The following FRY variants were observed in gnomAD, a reference collection of about 807,000 sequenced individuals.
FRY encodes the protein protein furry homolog.
A neutral mutation model predicts 348.4 loss-of-function variants in FRY; 128 were observed. That is an observed-to-expected ratio of 0.37 (90% CI 0.32 to 0.43). The LOEUF (loss-of-function observed/expected upper bound fraction) is 0.43. FRY is among the 20% of genes least tolerant of loss of function. FRY has a pLI of 1.00. For synonymous variants in FRY, 1,370 were observed against 1,374.7 expected, an observed-to-expected ratio of 1.00 and a Z score of 0.08; for missense variants, 2,736 against 3,695.2, an observed-to-expected ratio of 0.74 and a Z score of 6.73.
chr13:32,122,645 G>A (rs1878743947), intron 4 of FRY, among the ~76,000 whole-genome samples: 2 of 152,112 alleles, frequency 1.3e-5, no homozygotes, highest in African/African-American at 4.8e-5. Context: ...GATACCTACT[G>A]TCAGCACTCT....
At chr13:32,283,159 A>G (rs1262260155) in intron 58 of FRY, among the ~76,000 whole-genome samples, 1 of 151,734 alleles carries the variant, frequency 6.6e-6, no homozygotes, top group African/African-American at 2.4e-5. Flanking sequence ...AAAACAAAAC[A>G]ACAACAACGA....
chr13:32,121,197 G>A (rs532917282), intron 4 of FRY, among the ~76,000 whole-genome samples: 11 of 152,272 alleles, frequency 7.2e-5, no homozygotes, highest in East Asian at 1.9e-4. Context: ...GTTGGTTTAC[G>A]ATTTTGCTAT....
rs1882496719 is a variant in FRY at position 32,178,400 on chromosome 13, C to G, written c.2645C>G (p.Thr882Ser). 2 of 1,614,058 alleles carry G rather than the reference C, an allele frequency of 1.2e-6. No homozygotes were observed. Among genetic ancestry groups the G allele is most frequent in the Middle Eastern group, 1.6e-4 (1 of 6,084 alleles). ...ALSYAWPYAF[T>S]RLQSVMPLVD... ...AGCTATGCCTGGCCTTATGCCTTCA[C>G]TCGGCTCCAGTCGGTGATGCCTCTG... The change falls in exon 21 of 61, where the codon ACT (threonine) becomes AGT (serine). Residue 882 changes from threonine to serine, a missense_variant. Thr to Ser is a moderately conservative substitution (Grantham distance 58). Transcript: ENST00000542859.
At chr13:32,046,456 G>A (rs901718713) in intron 1 of FRY, among the ~76,000 whole-genome samples, 2 of 152,224 alleles carry the variant, frequency 1.3e-5, no homozygotes, top group Admixed American at 6.5e-5. Flanking sequence ...TTGAGACCAA[G>A]CCTCCATCTC....
chr13:32,110,220 G>A (rs1054924752), intron 3 of FRY, among the ~76,000 whole-genome samples: 6 of 152,188 alleles, frequency 3.9e-5, no homozygotes, highest in Non-Finnish European at 7.3e-5. Context: ...ACAAAGCAGC[G>A]TGCTAGAACA....
chr13:32,153,553 A>G (rs926303973), intron 14 of FRY, among the ~76,000 whole-genome samples: 1 of 152,212 alleles, frequency 6.6e-6, no homozygotes, highest in African/African-American at 2.4e-5. Flanking sequence ...GCAAAAACGC[A>G]CAGGGGACTT....
chr13:32,215,736 A>AT (rs34734314), intron 35 of FRY, among the ~76,000 whole-genome samples: 32 of 152,002 alleles, frequency 2.1e-4, no homozygotes, highest in African/African-American at 7.2e-4. Context: ...CACCTAGCTC[A>AT]TTTTTTTATT....
At chr13:32,235,161 C>A (rs1420386765) in intron 42 of FRY, among the ~76,000 whole-genome samples, 1 of 152,182 alleles carries the variant, frequency 6.6e-6, no homozygotes. Flanking sequence ...AAAGCACTAC[C>A]TCTCTCTCTA....
chr13:32,111,025 A>G (rs1042589891), intron 3 of FRY, among the ~76,000 whole-genome samples: 1 of 152,218 alleles, frequency 6.6e-6, no homozygotes, highest in Non-Finnish European at 1.5e-5. Flanking sequence ...GATTCTGGGG[A>G]AGAAATCCTT....
At chr13:32,145,535 T>TG (rs754105060) in intron 11 of FRY, among the ~76,000 whole-genome samples, 3,356 of 136,182 alleles carry the variant, frequency 0.025, 107 homozygotes, top group Non-Finnish European at 0.037. Context: ...TGTTTTTTTT[T>TG]TTTTTTTTTT....
chr13:32,202,599 T>C, intron 31 of FRY, 72 bp downstream of exon 31: 1 of 1,237,788 alleles, frequency 8.1e-7, no homozygotes, highest in Non-Finnish European at 1.2e-6. Flanking sequence ...TTTCTAATAA[T>C]GACATGTGAT....
chr13:32,068,736 G>A (rs1200902486), intron 1 of FRY, among the ~76,000 whole-genome samples: 1 of 152,174 alleles, frequency 6.6e-6, no homozygotes, highest in East Asian at 1.9e-4. Flanking sequence ...AGAGAACATA[G>A]ACTGAAGTAA....
intron 2 of FRY, among the ~76,000 whole-genome samples, chr13:32,090,205 A>G (rs1158708786): frequency 5.9e-5 from 9 of 151,872 alleles, no homozygotes; most frequent in South Asian, 2.1e-4. Context: ...AAAATTAGCC[A>G]GGCGTGGTGG....
intron 2 of FRY, among the ~76,000 whole-genome samples, chr13:32,101,016 T>A (rs996618719): frequency 2.0e-5 from 3 of 152,214 alleles, no homozygotes; most frequent in Non-Finnish European, 4.4e-5. Flanking sequence ...GCACAATACA[T>A]TATTAACTGC....
At chr13:32,282,465 A>G (rs1888856979) in intron 58 of FRY, among the ~76,000 whole-genome samples, 1 of 152,240 alleles carries the variant, frequency 6.6e-6, no homozygotes, top group Non-Finnish European at 1.5e-5. Context: ...TTACCCGACT[A>G]AACCTAGCAA....
chr13:32,290,350 G>A (rs1250790143), intron 59 of FRY, among the ~76,000 whole-genome samples: 3 of 152,208 alleles, frequency 2.0e-5, no homozygotes, highest in Non-Finnish European at 2.9e-5. Flanking sequence ...GAGGACTAAC[G>A]GCTCATTTGC....
chr13:32,076,086 T>G (rs1295710132), intron 1 of FRY, among the ~76,000 whole-genome samples: 1 of 152,258 alleles, frequency 6.6e-6, no homozygotes, highest in Non-Finnish European at 1.5e-5. Context: ...AGAGGTTTTC[T>G]GGTATCTGAA....
At chr13:32,219,111 C>T (rs1488037661) in intron 36 of FRY, among the ~76,000 whole-genome samples, 2 of 135,602 alleles carry the variant, frequency 1.5e-5, no homozygotes, top group African/African-American at 2.9e-5. Context: ...TTTTTTGAGA[C>T]GGAGTCTCGC....
Position 32,224,269 on chromosome 13 carries a change from G to C in FRY, c.4800G>C (p.Leu1600=). The change falls in exon 37 of 61, where the codon CTG becomes CTC. Residue 1600 remains leucine (L), a synonymous_variant. Coordinates refer to ENST00000542859, the MANE Select transcript of FRY (RefSeq NM_023037.3). ...TTTCTCCCTACACGGGCTGGTTGCT[G>C]ACTATTACAGAGACCAAGCAGCCGC... is the stretch of plus-strand genomic sequence containing the variant. ...DPISPYTGWL[L]TITETKQPQP... is the part of the protein sequence containing the mutation. 1.9e-6 allele frequency: 3 copies of C among 1,614,120 alleles called. No homozygotes were observed. Among genetic ancestry groups the C allele is most frequent in the Non-Finnish European group, 2.5e-6 (3 of 1,179,996 alleles).
Sources: gnomAD v4.1 joint callset for allele counts (sites outside exome capture counted in the v4.1 genomes callset) on GRCh38, gnomAD v4.1.1 for gene constraint, MANE v1.5 for transcripts, NCBI Gene and HGNC (gene_info 2026-07-23, HGNC 2026-07-21) for gene names.